Variants in ARGFX observed in about 807,000 individuals in gnomAD.
ARGFX encodes the protein arginine-fifty homeobox.
Under a neutral mutation model 8.0 loss-of-function variants are expected in ARGFX, and 10 were observed. The observed-to-expected ratio is 1.25, with a 90% CI of 0.77 to 2.12. The LOEUF (loss-of-function observed/expected upper bound fraction) is 2.12, where lower values mean the gene tolerates loss of function less well. ARGFX is among the 30% of genes most tolerant of loss of function. ARGFX has a pLI of 0.00. For synonymous variants in ARGFX, 116 were observed against 117.8 expected (o/e 0.98, Z 0.10); for missense variants, 282 against 324.3 (o/e 0.87, Z 1.00).
chr3:121,582,443 GA>G (rs1282553348), intron 3 of ARGFX, among the ~76,000 whole-genome samples: 2 of 151,782 alleles, frequency 1.3e-5, no homozygotes, highest in African/African-American at 4.8e-5. Context: ...AATGTGAGCA[GA>G]AAAAAATCAA....
rs1449257475 is a variant in ARGFX at position 121,589,324 on chromosome 3, T to G, written c.*2724T>G. On this transcript the variant is annotated 3_prime_UTR_variant, in exon 5 of 5. Transcript: ENST00000334384. ...TTCAAATACTTATATACATATTTTT[T>G]AAAAGTAGCTTTACATAGGAAGGAA... is the stretch of plus-strand genomic sequence containing the variant. 5.3e-5 allele frequency among the ~76,000 whole-genome samples: 8 copies of G among 152,224 alleles called. No homozygotes were observed. Among genetic ancestry groups the G allele is most frequent in the Admixed American group, 5.2e-4 (8 of 15,278 alleles).
At position 121,588,934 on chromosome 3, in the gene ARGFX, T is replaced by C. The variant is rs2048830610; in HGVS notation, c.*2334T>C. 6.6e-6 allele frequency among the ~76,000 whole-genome samples: 1 copy of C among 152,108 alleles called. No individual in the cohort carries two copies. Among genetic ancestry groups the C allele is most frequent in the African/African-American group, 2.4e-5 (1 of 41,420 alleles). Reference sequence around the variant, plus strand: ...TGGGAAATTCACAAATATGTGGATATTAAACAACACATTCCTAAATAACCA... The same window carrying C: ...TGGGAAATTCACAAATATGTGGATACTAAACAACACATTCCTAAATAACCA... On this transcript the variant is annotated 3_prime_UTR_variant, in exon 5 of 5. Transcript: ENST00000334384.
rs994913950 is a variant in ARGFX at position 121,570,452 on chromosome 3, C to T, written c.-12-250C>T. Reference sequence around the variant, plus strand: ...ACAATCTCATCAAAGAAATATCCCTCTACTTTGAGTCACAAAGATATTGAC... The same window carrying T: ...ACAATCTCATCAAAGAAATATCCCTTTACTTTGAGTCACAAAGATATTGAC... On this transcript the variant is annotated intron_variant, in intron 1 of 4. Coordinates refer to ENST00000334384, the MANE Select transcript of ARGFX (RefSeq NM_001012659.2). Among the ~76,000 whole-genome samples the T allele has an allele frequency of 2.0e-5, 3 of 152,234 alleles. No homozygotes were observed. The East Asian group carries it at 5.8e-4, about 29-fold the overall frequency.
intron 2 of ARGFX, among the ~76,000 whole-genome samples, chr3:121,573,419 T>G (rs566049439): frequency 1.3e-5 from 2 of 151,396 alleles, no homozygotes; most frequent in South Asian, 2.1e-4. Flanking sequence ...AGACAGAGAC[T>G]GCAGCAGAGA....
chr3:121,586,587 TG>T lies in ARGFX; in HGVS notation c.938del (p.Gly313AspfsTer45). On this transcript the variant is annotated frameshift_variant, in exon 5 of 5. Coordinates refer to ENST00000334384, the MANE Select transcript of ARGFX (RefSeq NM_001012659.2). LOFTEE classifies it high-confidence loss of function. ...EFQKTSNMVDLGFL is the reference protein window; with the variant it reads ...EFQKTSNMVDXGFL ...CAGAAAACCTCCAATATGGTAGACT[TG>T]GGATTTCTCTGACCAGAGTACTAAT... 1 of 1,613,034 alleles carries T rather than the reference TG, an allele frequency of 6.2e-7. No homozygotes were observed. The highest frequency in any genetic ancestry group is 8.5e-7 in the Non-Finnish European group (1 of 1,179,542).
Position 121,570,691 on chromosome 3 carries a change from T to C in ARGFX, c.-12-11T>C, listed in dbSNP as rs1177292395. The C allele has an allele frequency of 1.9e-6, 3 of 1,560,896 alleles. No homozygotes were observed. In the South Asian group the frequency reaches 3.5e-5, roughly 18 times the overall value. Reference sequence around the variant, plus strand: ...ATCAGCATTCCCTATCTCATAGGCCTTCCATCTCAGATTTCAGAAACCATG... The same window carrying C: ...ATCAGCATTCCCTATCTCATAGGCCCTCCATCTCAGATTTCAGAAACCATG... On this transcript the variant is annotated splice_polypyrimidine_tract_variant and intron_variant, in intron 1 of 4. Transcript: ENST00000334384.
At chr3:121,577,495 C>A (rs2048750536) in intron 3 of ARGFX, among the ~76,000 whole-genome samples, 2 of 151,422 alleles carry the variant, frequency 1.3e-5, no homozygotes, top group South Asian at 4.2e-4. Context: ...CTCAAGTGAT[C>A]CGCCCGCCTG....
Position 121,589,037 on chromosome 3 carries a change from T to A in ARGFX, c.*2437T>A, listed in dbSNP as rs1476165731. Reference sequence around the variant, plus strand: ...CAAAAAATAAAAAATTAGCTGGGCATGACGGCCAGAGCCCATGGTCCCAGC... The same window carrying A: ...CAAAAAATAAAAAATTAGCTGGGCAAGACGGCCAGAGCCCATGGTCCCAGC... On this transcript the variant is annotated 3_prime_UTR_variant, in exon 5 of 5. Transcript: ENST00000334384. 1.3e-5 allele frequency among the ~76,000 whole-genome samples: 2 copies of A among 152,204 alleles called. No homozygotes were observed. Among genetic ancestry groups the A allele is most frequent in the African/African-American group, 4.8e-5 (2 of 41,456 alleles).
At chr3:121,573,687 A>G (rs1273268761) in intron 2 of ARGFX, among the ~76,000 whole-genome samples, 2 of 151,814 alleles carry the variant, frequency 1.3e-5, no homozygotes, top group South Asian at 2.1e-4. Context: ...TGTCTCTACT[A>G]AAAATACAAA....
intron 2 of ARGFX, among the ~76,000 whole-genome samples, 200 bp from the exon 3 acceptor site, chr3:121,576,584 G>A (rs192199414): frequency 3.3e-5 from 5 of 152,108 alleles, no homozygotes; most frequent in Admixed American, 6.6e-5. Context: ...TGATCTAGCC[G>A]CCTCAGCCTC....
At chr3:121,582,198 G>A (rs986754013) in intron 3 of ARGFX, among the ~76,000 whole-genome samples, 3 of 152,110 alleles carry the variant, frequency 2.0e-5, no homozygotes, top group Non-Finnish European at 4.4e-5. Context: ...GATGAGTGTG[G>A]GGGGAAAGTG....
intron 2 of ARGFX, among the ~76,000 whole-genome samples, chr3:121,572,485 A>T (rs1452545825): frequency 2.6e-5 from 4 of 151,664 alleles, no homozygotes; most frequent in Non-Finnish European, 5.9e-5. Context: ...ACCTTGGGTG[A>T]TCCACGCGCC....
intron 3 of ARGFX, 57 bp from the exon 4 acceptor site, chr3:121,584,860 G>T: frequency 6.4e-7 from 1 of 1,557,140 alleles, no homozygotes; most frequent in South Asian, 1.2e-5. Flanking sequence ...TTTTTTGGTT[G>T]GGGGGAGAGA....
rs747147684 is a variant in ARGFX at position 121,586,181 on chromosome 3, A to C, written c.529A>C (p.Ser177Arg). ...AFSPVISDFYSSLPSQPLDPS... is the reference protein window; with the variant it reads ...AFSPVISDFYRSLPSQPLDPS... ...TTCTCCTGTGATTTCAGATTTCTACAGCTCCCTTCCATCTCAGCCCTTAGA... is the reference window on the plus strand; with the variant it reads ...TTCTCCTGTGATTTCAGATTTCTACCGCTCCCTTCCATCTCAGCCCTTAGA... The change falls in exon 5 of 5, where the codon AGC becomes CGC. Residue 177 changes from serine to arginine, a missense_variant. Ser to Arg is a moderately radical substitution (Grantham distance 110). Coordinates refer to ENST00000334384, the MANE Select transcript of ARGFX (RefSeq NM_001012659.2). 95 of 1,613,764 alleles carry C rather than the reference A, an allele frequency of 5.9e-5. No individual in the cohort carries two copies. The highest frequency in any genetic ancestry group is 7.8e-5 in the Non-Finnish European group (92 of 1,179,996).
chr3:121,581,880 C>T (rs751644889), intron 3 of ARGFX, among the ~76,000 whole-genome samples: 2 of 151,918 alleles, frequency 1.3e-5, no homozygotes, highest in South Asian at 4.2e-4. Flanking sequence ...TGCAATCCAG[C>T]CTGGGCTGGT....
intron 3 of ARGFX, among the ~76,000 whole-genome samples, chr3:121,582,565 T>C (rs556659610): frequency 1.3e-5 from 2 of 152,330 alleles, no homozygotes; most frequent in African/African-American, 4.8e-5. Flanking sequence ...TTATATAGGT[T>C]ATTTTCATCT....
intron 3 of ARGFX, among the ~76,000 whole-genome samples, chr3:121,584,219 G>GAAGGAAGGA (rs2048797421): frequency 1.5e-5 from 2 of 131,464 alleles, no homozygotes; most frequent in African/African-American, 5.5e-5. Context: ...AGGAAGGAAG[G>GAAGGAAGGA]AAGGAAGGAA....
rs182568163 is a variant in ARGFX at position 121,585,557 on chromosome 3, C to T, written c.370-465C>T. On this transcript the variant is annotated intron_variant, in intron 4 of 4. Coordinates refer to ENST00000334384, the MANE Select transcript of ARGFX (RefSeq NM_001012659.2). ...GTCTCACTATGTTGCCCAGGCTGGTCTCAAACTCCTGAGCTCAAGTGATCC... is the reference window on the plus strand; with the variant it reads ...GTCTCACTATGTTGCCCAGGCTGGTTTCAAACTCCTGAGCTCAAGTGATCC... 7.2e-5 allele frequency among the ~76,000 whole-genome samples: 11 copies of T among 152,126 alleles called. No homozygotes were observed. In the East Asian group the frequency reaches 1.9e-3, roughly 27 times the overall value.
rs2048819690 is a variant in ARGFX at position 121,587,523 on chromosome 3, A to G, written c.*923A>G. On this transcript the variant is annotated 3_prime_UTR_variant, in exon 5 of 5. Transcript: ENST00000334384. ...GTTTAAAAACACTTTTTTTCAAGGA[A>G]ACCGAAGAAACCATCATCCACTTTT... is the stretch of plus-strand genomic sequence containing the variant. 6.6e-6 allele frequency among the ~76,000 whole-genome samples: 1 copy of G among 152,114 alleles called. No individual in the cohort carries two copies. Among genetic ancestry groups the G allele is most frequent in the Non-Finnish European group, 1.5e-5 (1 of 68,008 alleles).
Sources: gnomAD v4.1 joint callset for allele counts (sites outside exome capture counted in the v4.1 genomes callset) on GRCh38, gnomAD v4.1.1 for gene constraint, MANE v1.5 for transcripts, NCBI Gene and HGNC (gene_info 2026-07-23, HGNC 2026-07-21) for gene names.